MAPK4: variants seen among roughly 807,000 people sequenced by gnomAD.
The protein encoded by MAPK4 is Erk3-related.
MAPK4 carries 22 observed loss-of-function variants against 47.7 expected under a neutral mutation model. The ratio of observed to expected loss-of-function variants is 0.46; its 90% CI spans 0.33 to 0.66. The LOEUF is 0.66. Ranked by LOEUF, MAPK4 falls within the 30% of genes least tolerant of loss-of-function variation. The pLI is 0.02. For missense variants in MAPK4, 736 were observed against 831.7 expected, an observed-to-expected ratio of 0.88 and a Z score of 1.42; for synonymous variants, 390 against 365.7, an observed-to-expected ratio of 1.07 and a Z score of -0.76.
At chr18:50,630,255 C>T (rs893304268) in intron 1 of MAPK4, among the ~76,000 whole-genome samples, 1 of 152,202 alleles carries the variant, frequency 6.6e-6, no homozygotes, top group Non-Finnish European at 1.5e-5. Flanking sequence ...GTGGCACGAT[C>T]TCTGCTCACT....
chr18:50,620,201 C>T (rs2042719528), intron 1 of MAPK4, among the ~76,000 whole-genome samples: 1 of 152,178 alleles, frequency 6.6e-6, no homozygotes, highest in Non-Finnish European at 1.5e-5. Context: ...CAAAAGGGGC[C>T]ATAATGACCA....
At chr18:50,702,749 G>A (rs1487528651) in intron 2 of MAPK4, among the ~76,000 whole-genome samples, 3 of 152,150 alleles carry the variant, frequency 2.0e-5, no homozygotes, top group Non-Finnish European at 4.4e-5. Flanking sequence ...CTGGTTTCAT[G>A]ATAGTCTTTG....
chr18:50,664,171 C>A lies in MAPK4; in HGVS notation c.213C>A (p.Arg71=), dbSNP rs536964018. 9 of 1,614,094 alleles carry A rather than the reference C, an allele frequency of 5.6e-6. No individual in the cohort carries two copies. The South Asian group carries it at 9.9e-5, about 18-fold the overall frequency. Residue 71 remains arginine (R), a synonymous_variant, in exon 2 of 6, where the codon CGC becomes CGA. Transcript: ENST00000400384. This position sits in a 1 kb window ranked among gnomAD's most constrained non-coding sequence, Gnocchi z 6.0. Reference sequence around the variant, plus strand: ...TCCGAGAGATCAAGATCATTCGGCGCCTGGACCACGACAACATCGTCAAAG... The same window carrying A: ...TCCGAGAGATCAAGATCATTCGGCGACTGGACCACGACAACATCGTCAAAG... ...HALREIKIIR[R]LDHDNIVKVY...
chr18:50,696,791 A>C (rs1035735115), intron 2 of MAPK4, among the ~76,000 whole-genome samples: 3 of 152,256 alleles, frequency 2.0e-5, no homozygotes, highest in Admixed American at 2.0e-4. Context: ...TGATGGCAGC[A>C]CACACCAACA....
At chr18:50,575,905 A>G (rs1405955414) in intron 1 of MAPK4, among the ~76,000 whole-genome samples, 1 of 152,144 alleles carries the variant, frequency 6.6e-6, no homozygotes, top group African/African-American at 2.4e-5. Context: ...TGCCAACATC[A>G]CTATTCATTA....
chr18:50,573,012 C>T (rs2042263291), intron 1 of MAPK4, among the ~76,000 whole-genome samples: 1 of 152,124 alleles, frequency 6.6e-6, no homozygotes, highest in Non-Finnish European at 1.5e-5. Flanking sequence ...CACTCAGGAG[C>T]ATGTACAGTT....
chr18:50,649,617 T>C (rs1263821497), intron 1 of MAPK4, among the ~76,000 whole-genome samples: 1 of 152,244 alleles, frequency 6.6e-6, no homozygotes, highest in African/African-American at 2.4e-5. Flanking sequence ...TGCGTATAAG[T>C]TGACCACCTT....
intron 1 of MAPK4, among the ~76,000 whole-genome samples, chr18:50,614,453 A>G (rs1243984504): frequency 6.6e-6 from 1 of 152,130 alleles, no homozygotes; most frequent in African/African-American, 2.4e-5. Flanking sequence ...ATTTAAATTT[A>G]AATAAGGTTG....
chr18:50,611,641 G>C (rs2042634957), intron 1 of MAPK4, among the ~76,000 whole-genome samples: 1 of 152,220 alleles, frequency 6.6e-6, no homozygotes, highest in Non-Finnish European at 1.5e-5. Context: ...TTGTTCCCTG[G>C]CCTCAGGGAA....
At chr18:50,596,379 C>G (rs558144134) in intron 1 of MAPK4, among the ~76,000 whole-genome samples, 1 of 152,282 alleles carries the variant, frequency 6.6e-6, no homozygotes, top group Admixed American at 6.5e-5. Context: ...GGGATTTGAT[C>G]TGTCTCTGGT....
At position 50,713,304 on chromosome 18, in the gene MAPK4, AT is replaced by A. The variant is rs1349383877; in HGVS notation, c.547-1773del. Among the ~76,000 whole-genome samples the A allele has an allele frequency of 4.6e-5, 7 of 152,354 alleles. No homozygotes were observed. The East Asian group carries it at 1.3e-3, about 29-fold the overall frequency. On this transcript the variant is annotated intron_variant, in intron 2 of 5. Coordinates refer to ENST00000400384, the MANE Select transcript of MAPK4 (RefSeq NM_002747.4). ...GCAATTAAACTCTTATAAAAATGACATTGGCCCATCCTTTGTTGGAACAAGA... is the reference window on the plus strand; with the variant it reads ...GCAATTAAACTCTTATAAAAATGACATGGCCCATCCTTTGTTGGAACAAGA...
intron 2 of MAPK4, among the ~76,000 whole-genome samples, chr18:50,710,774 C>T (rs544142407): frequency 4.3e-4 from 61 of 141,660 alleles, no homozygotes; most frequent in East Asian, 2.4e-3. Context: ...AGTGAGACTC[C>T]GTCTCTAAAT....
At chr18:50,706,493 G>A (rs1396538489) in intron 2 of MAPK4, among the ~76,000 whole-genome samples, 2 of 148,534 alleles carry the variant, frequency 1.3e-5, no homozygotes, top group Non-Finnish European at 1.5e-5. Flanking sequence ...GGTGCTTCCA[G>A]CCTGTAGCAG....
intron 1 of MAPK4, among the ~76,000 whole-genome samples, chr18:50,572,288 T>C (rs188170936): frequency 6.6e-6 from 1 of 152,170 alleles, no homozygotes; most frequent in Non-Finnish European, 1.5e-5. Context: ...AGAATATATC[T>C]AGTAAGTAGT....
chr18:50,677,902 G>T (rs1327426268), intron 2 of MAPK4, among the ~76,000 whole-genome samples: 1 of 152,166 alleles, frequency 6.6e-6, no homozygotes, highest in African/African-American at 2.4e-5. Context: ...TCTGCCTCAG[G>T]CTGCAGCCTC....
At chr18:50,665,593 C>T (rs1376364684) in intron 2 of MAPK4, among the ~76,000 whole-genome samples, 15 of 152,224 alleles carry the variant, frequency 9.9e-5, no homozygotes, top group Non-Finnish European at 2.2e-4. Context: ...CCTCCTTTAG[C>T]ACCCCCACAT....
chr18:50,644,156 T>C (rs1277560867), intron 1 of MAPK4, among the ~76,000 whole-genome samples: 1 of 152,054 alleles, frequency 6.6e-6, no homozygotes, highest in East Asian at 1.9e-4. Context: ...CTTAGATAAC[T>C]TTTCATTTGG....
Position 50,679,128 on chromosome 18 carries a change from C to T in MAPK4, c.546+14624C>T, listed in dbSNP as rs992778076. 2.4e-4 allele frequency among the ~76,000 whole-genome samples: 37 copies of T among 152,246 alleles called. 1 individual carries two copies. The highest frequency in any genetic ancestry group is 2.1e-3 in the East Asian group (11 of 5,174). ...AGTTCCCCATGAAGGAGAGCAAGCC[C>T]GGGAGCACAGAATGGCCTGCGTGGC... On this transcript the variant is annotated intron_variant, in intron 2 of 5. Transcript: ENST00000400384.
At chr18:50,684,577 C>A (rs1908764181) in intron 2 of MAPK4, among the ~76,000 whole-genome samples, 1 of 151,808 alleles carries the variant, frequency 6.6e-6, no homozygotes, top group Admixed American at 6.6e-5. Flanking sequence ...TTCCCCTTCA[C>A]TCCCTTGGGT....
Sources: allele counts gnomAD v4.1 joint callset (sites outside exome capture counted in the v4.1 genomes callset), GRCh38; gene constraint gnomAD v4.1.1; non-coding constraint Gnocchi (gnomAD v3.1); transcripts MANE v1.5; gene names NCBI Gene and HGNC (gene_info 2026-07-23, HGNC 2026-07-21).